Variants in CAPZB observed in about 807,000 individuals in gnomAD.
CAPZB encodes F-actin-capping protein subunit beta.
Under a neutral mutation model 38.1 loss-of-function variants are expected in CAPZB, and 2 were observed. That is an observed-to-expected ratio of 0.05 (90% confidence interval 0.02 to 0.17). The LOEUF (loss-of-function observed/expected upper bound fraction) is 0.17, where lower values mean the gene tolerates loss of function less well. Ranked by LOEUF, CAPZB falls within the 10% of genes least tolerant of loss-of-function variation. The pLI is 1.00. For synonymous variants in CAPZB, 107 were observed against 127.4 expected (o/e 0.84, Z 1.08); for missense variants, 161 against 334.2 (o/e 0.48, Z 4.04).
intron 6 of CAPZB, among the ~76,000 whole-genome samples, chr1:19,354,957 T>G (rs1366467285): frequency 6.6e-6 from 1 of 152,076 alleles, no homozygotes; most frequent in Non-Finnish European, 1.5e-5. Context: ...AAAGGCTAAG[T>G]GCCCCCTGTG....
At chr1:19,401,857 T>C (rs1463315420) in intron 2 of CAPZB, among the ~76,000 whole-genome samples, 3 of 152,200 alleles carry the variant, frequency 2.0e-5, no homozygotes, top group African/African-American at 7.2e-5. Context: ...AGAGGGGACA[T>C]CTGCTTATTT....
chr1:19,384,793 T>A (rs1346206203), intron 3 of CAPZB, among the ~76,000 whole-genome samples: 1 of 152,164 alleles, frequency 6.6e-6, no homozygotes, highest in Non-Finnish European at 1.5e-5. Context: ...TCTTAAAAAA[T>A]AGAGGTATAA....
At chr1:19,463,904 G>A (rs927323948) in intron 1 of CAPZB, among the ~76,000 whole-genome samples, 1 of 151,978 alleles carries the variant, frequency 6.6e-6, no homozygotes, top group Non-Finnish European at 1.5e-5. Context: ...AGCAGGCCAG[G>A]CACGGTGGCT....
At chr1:19,353,885 T>C (rs2094005640) in intron 6 of CAPZB, among the ~76,000 whole-genome samples, 1 of 152,204 alleles carries the variant, frequency 6.6e-6, no homozygotes, top group African/African-American at 2.4e-5. Flanking sequence ...GCAGGGTTGA[T>C]CCTGCTTGCG....
chr1:19,463,560 G>A (rs1016087641), intron 1 of CAPZB, among the ~76,000 whole-genome samples: 16 of 152,192 alleles, frequency 1.1e-4, no homozygotes, highest in African/African-American at 3.9e-4. Context: ...ATGGTTGGGA[G>A]AGCAAAAGGC....
At chr1:19,462,532 A>G (rs2094555422) in intron 1 of CAPZB, among the ~76,000 whole-genome samples, 1 of 152,220 alleles carries the variant, frequency 6.6e-6, no homozygotes, top group African/African-American at 2.4e-5. Context: ...ACTGAGGCCC[A>G]AGGAGGGTAA....
At chr1:19,364,728 A>G (rs2094073472) in intron 4 of CAPZB, among the ~76,000 whole-genome samples, 1 of 152,242 alleles carries the variant, frequency 6.6e-6, no homozygotes, top group Non-Finnish European at 1.5e-5. Flanking sequence ...TCTCTTGGCA[A>G]ACAGGCTACT....
chr1:19,484,835 G>C (rs1448160477), intron 1 of CAPZB: 1 of 305,700 alleles, frequency 3.3e-6, no homozygotes, highest in Admixed American at 6.5e-5. Flanking sequence ...GGGCGGAGAA[G>C]AGGAGGTCCA....
At chr1:19,373,556 G>A (rs917076133) in intron 4 of CAPZB, among the ~76,000 whole-genome samples, 5 of 152,160 alleles carry the variant, frequency 3.3e-5, no homozygotes, top group African/African-American at 4.8e-5. Flanking sequence ...GGGAGCCTCT[G>A]GGGAGACGGT....
intron 2 of CAPZB, among the ~76,000 whole-genome samples, chr1:19,400,084 A>G (rs2094294734): frequency 6.6e-6 from 1 of 152,106 alleles, no homozygotes; most frequent in African/African-American, 2.4e-5. Flanking sequence ...GAATTTCTAT[A>G]TTTGTATACA....
At chr1:19,348,145 C>T (rs112020124) in intron 6 of CAPZB, among the ~76,000 whole-genome samples, 2 of 152,300 alleles carry the variant, frequency 1.3e-5, no homozygotes, top group South Asian at 2.1e-4. Flanking sequence ...CCCACCCCAT[C>T]GCGTGATGAA....
chr1:19,416,457 G>A (rs1425830022), intron 2 of CAPZB, among the ~76,000 whole-genome samples: 1 of 151,848 alleles, frequency 6.6e-6, no homozygotes, highest in African/African-American at 2.4e-5. Flanking sequence ...ACCTTACAGG[G>A]GTGTTGTATG....
At chr1:19,463,518 C>T (rs906311181) in intron 1 of CAPZB, among the ~76,000 whole-genome samples, 11 of 152,222 alleles carry the variant, frequency 7.2e-5, no homozygotes, top group Non-Finnish European at 1.5e-4. Flanking sequence ...ATGACCCCAC[C>T]TAAGCTCACA....
At chr1:19,441,917 G>A (rs896912599) in intron 1 of CAPZB, among the ~76,000 whole-genome samples, 1 of 149,578 alleles carries the variant, frequency 6.7e-6, no homozygotes, top group Non-Finnish European at 1.5e-5. Context: ...GCTGAAGCAG[G>A]AGAATTGCTT....
At chr1:19,447,105 G>A (rs561165678) in intron 1 of CAPZB, among the ~76,000 whole-genome samples, 105 of 152,206 alleles carry the variant, frequency 6.9e-4, no homozygotes, top group African/African-American at 2.4e-3. Context: ...CCCAGGAGGT[G>A]TGCCCATCCC....
At chr1:19,409,287 G>C (rs2094346959) in intron 2 of CAPZB, among the ~76,000 whole-genome samples, 1 of 152,012 alleles carries the variant, frequency 6.6e-6, no homozygotes, top group Non-Finnish European at 1.5e-5. Flanking sequence ...GAGACTCAAT[G>C]CCAAGGTGAG....
At chr1:19,428,210 A>G (rs2094430165) in intron 1 of CAPZB, among the ~76,000 whole-genome samples, 2 of 152,148 alleles carry the variant, frequency 1.3e-5, no homozygotes, top group Admixed American at 1.3e-4. Context: ...CAAGACCAGC[A>G]TGGCCAACAT....
chr1:19,388,923 T>A (rs1406758782), intron 2 of CAPZB, among the ~76,000 whole-genome samples: 1 of 152,156 alleles, frequency 6.6e-6, no homozygotes, highest in Admixed American at 6.5e-5. Context: ...GCACTGCTTG[T>A]CCTACAGTGA....
chr1:19,432,314 T>C (rs374533252), intron 1 of CAPZB, among the ~76,000 whole-genome samples: 3 of 152,064 alleles, frequency 2.0e-5, no homozygotes, highest in Admixed American at 1.3e-4. Context: ...TGGTGGTGTA[T>C]GCCTGTAGTC....
Sources: gnomAD v4.1 joint callset for allele counts (sites outside exome capture counted in the v4.1 genomes callset) on GRCh38, gnomAD v4.1.1 for gene constraint, MANE v1.5 for transcripts, NCBI Gene and HGNC (gene_info 2026-07-23, HGNC 2026-07-21) for gene names.